Variants in LRP1B observed in about 807,000 individuals in gnomAD.
The protein encoded by LRP1B is LDL receptor related protein 1B.
In LRP1B, 217 loss-of-function variants were observed where a neutral mutation model predicts 556.6. The observed-to-expected ratio is 0.39, with a 90% CI of 0.35 to 0.44. The LOEUF (loss-of-function observed/expected upper bound fraction) is 0.44, where lower values mean the gene tolerates loss of function less well. LRP1B is among the 20% of genes least tolerant of loss of function. The probability of loss-of-function intolerance (pLI) is 1.00; values close to 1 mark genes in which losing one functional copy is unlikely to be tolerated. For missense variants in LRP1B, 5,053 were observed against 5,620.8 expected (o/e 0.90, Z 3.23); for synonymous variants, 2,047 against 1,865.8 (o/e 1.10, Z -2.50).
intron 1 of LRP1B, among the ~76,000 whole-genome samples, chr2:141,910,492 A>AT (rs11447454): frequency 0.34 from 52,102 of 151,786 alleles, 9,711 homozygotes; most frequent in East Asian, 0.47. Context: ...TGAAATATAC[A>AT]TTTTTTCTAG....
At chr2:140,239,324 G>A (rs1436303558) in intron 88 of LRP1B, 118 bp downstream of exon 88, 32 of 579,684 alleles carry the variant, frequency 5.5e-5, no homozygotes, top group Non-Finnish European at 9.1e-6. Context: ...GAAAAACATT[G>A]TATTTTACAG....
At chr2:140,664,947 A>C (rs1243670957) in intron 41 of LRP1B, among the ~76,000 whole-genome samples, 1 of 152,156 alleles carries the variant, frequency 6.6e-6, no homozygotes, top group African/African-American at 2.4e-5. Flanking sequence ...TATAATTGCC[A>C]CAGAGAAAAG....
chr2:140,949,204 CT>C (rs1170176377), intron 20 of LRP1B, among the ~76,000 whole-genome samples: 1 of 152,114 alleles, frequency 6.6e-6, no homozygotes, highest in Admixed American at 6.5e-5. Context: ...TTTATTTATT[CT>C]TTAGTCCTCA....
chr2:141,955,698 A>G (rs1485272846), intron 1 of LRP1B, among the ~76,000 whole-genome samples: 2 of 151,992 alleles, frequency 1.3e-5, no homozygotes, highest in Non-Finnish European at 2.9e-5. Flanking sequence ...GTCAGCTCAC[A>G]TCGCTGTTTT....
At chr2:140,901,655 T>C (rs1319421664) in intron 23 of LRP1B, among the ~76,000 whole-genome samples, 1 of 152,168 alleles carries the variant, frequency 6.6e-6, no homozygotes. Context: ...ATTAGAAAAT[T>C]TTTTTAAAGT....
chr2:141,038,265 T>C (rs1698595928), intron 11 of LRP1B, among the ~76,000 whole-genome samples: 1 of 151,956 alleles, frequency 6.6e-6, no homozygotes, highest in Non-Finnish European at 1.5e-5. Flanking sequence ...GGGAAACAAG[T>C]AAGATTTGAT....
rs1689932185 is a variant in LRP1B at position 140,516,959 on chromosome 2, T to C, written c.8079A>G (p.Arg2693=). The part of the protein sequence containing the change: ...EENYFSCPSG[R]CILNTWICDG... ...CGCATATCCAGGTATTCAAAATGCATCTTCCACTAGGACAACTAAAATAAT... is the reference window on the plus strand; with the variant it reads ...CGCATATCCAGGTATTCAAAATGCACCTTCCACTAGGACAACTAAAATAAT... The change falls in exon 50 of 91, where the codon AGA becomes AGG. Residue 2693 remains arginine (R), a synonymous_variant. Coordinates refer to ENST00000389484, the MANE Select transcript of LRP1B (RefSeq NM_018557.3). 6.2e-7 allele frequency: 1 copy of C among 1,605,354 alleles called. No individual in the cohort carries two copies. The highest frequency in any genetic ancestry group is 1.3e-5 in the African/African-American group (1 of 74,766).
At chr2:141,844,182 C>T (rs1574419484) in intron 1 of LRP1B, among the ~76,000 whole-genome samples, 1 of 152,038 alleles carries the variant, frequency 6.6e-6, no homozygotes, top group East Asian at 1.9e-4. Flanking sequence ...TTTCTATCTG[C>T]CCCCTAGCCA....
At chr2:141,415,298 C>T (rs1691053533) in intron 3 of LRP1B, among the ~76,000 whole-genome samples, 1 of 152,194 alleles carries the variant, frequency 6.6e-6, no homozygotes, top group Non-Finnish European at 1.5e-5. Flanking sequence ...CAGGCGTGAG[C>T]CACCACGCCC....
At chr2:141,282,307 T>A (rs1328562028) in intron 3 of LRP1B, among the ~76,000 whole-genome samples, 22 of 152,088 alleles carry the variant, frequency 1.4e-4, no homozygotes, top group Admixed American at 1.4e-3. Flanking sequence ...CTTTATATTT[T>A]GTAGAGACAA....
At chr2:141,087,335 C>T (rs1700072069) in intron 7 of LRP1B, among the ~76,000 whole-genome samples, 1 of 152,148 alleles carries the variant, frequency 6.6e-6, no homozygotes. Flanking sequence ...ACATGGCGGT[C>T]CTACCAAGAC....
At chr2:140,769,185 C>T (rs748078142) in intron 35 of LRP1B, 28 bp downstream of exon 35, 3 of 1,598,766 alleles carry the variant, frequency 1.9e-6, no homozygotes, top group Non-Finnish European at 2.6e-6. Flanking sequence ...ATATATTATG[C>T]ATAAATTATG....
intron 66 of LRP1B, among the ~76,000 whole-genome samples, chr2:140,432,954 A>T (rs1012967800): frequency 6.6e-6 from 1 of 152,226 alleles, no homozygotes; most frequent in Non-Finnish European, 1.5e-5. Flanking sequence ...TAAAACTTTT[A>T]ATCTAATAAT....
rs1461038052 is a variant in LRP1B at position 140,238,203 on chromosome 2, A to G, written c.13509T>C (p.Asp4503=). 1.9e-6 allele frequency: 3 copies of G among 1,605,728 alleles called. No homozygotes were observed. In the South Asian group the frequency reaches 3.3e-5, roughly 18 times the overall value. The change falls in exon 89 of 91, where the codon GAT becomes GAC. Residue 4503 remains aspartate, a synonymous_variant. Transcript: ENST00000389484. ...GATCTAAAAGACCTCCATCGTTGTG[A>G]TCATGATCTACCTCATACATGTTAT... The part of the protein sequence containing the change: ...PSYNMYEVDH[D]HNDGGLLDPG...
intron 7 of LRP1B, among the ~76,000 whole-genome samples, chr2:141,144,626 G>C (rs567479955): frequency 1.3e-5 from 2 of 152,102 alleles, no homozygotes; most frequent in African/African-American, 4.8e-5. Flanking sequence ...CCCTTCATAC[G>C]CTAGAAGATC....
At chr2:141,821,688 T>A (rs541590750) in intron 1 of LRP1B, among the ~76,000 whole-genome samples, 3 of 152,182 alleles carry the variant, frequency 2.0e-5, no homozygotes, top group Admixed American at 2.0e-4. Flanking sequence ...AAAAAAATTA[T>A]AAGTAATAGT....
chr2:140,606,792 C>T (rs888612553), intron 41 of LRP1B, among the ~76,000 whole-genome samples: 13 of 151,890 alleles, frequency 8.6e-5, no homozygotes, highest in Admixed American at 8.5e-4. Context: ...CTCATACACC[C>T]ACACATATAA....
chr2:141,606,421 T>C (rs1687919755), intron 2 of LRP1B, among the ~76,000 whole-genome samples: 1 of 152,216 alleles, frequency 6.6e-6, no homozygotes, highest in South Asian at 2.1e-4. Flanking sequence ...AAGTTTCATG[T>C]CAACTATGCA....
intron 2 of LRP1B, among the ~76,000 whole-genome samples, chr2:141,710,873 G>A (rs1370328): frequency 0.21 from 32,580 of 152,058 alleles, 3,606 homozygotes; most frequent in South Asian, 0.28. Context: ...AATGATCACT[G>A]TCACTTGTTT....
Sources: gnomAD v4.1 joint callset for allele counts (sites outside exome capture counted in the v4.1 genomes callset) on GRCh38, gnomAD v4.1.1 for gene constraint, MANE v1.5 for transcripts, NCBI Gene and HGNC (gene_info 2026-07-23, HGNC 2026-07-21) for gene names.